The following MARCHF1 variants were observed in gnomAD, a reference collection of about 807,000 sequenced individuals.
MARCHF1 encodes E3 ubiquitin-protein ligase MARCHF1.
MARCHF1 carries 40 observed loss-of-function variants against 54.2 expected under a neutral mutation model. The observed-to-expected ratio is 0.74, with a 90% CI of 0.57 to 0.96. The LOEUF (loss-of-function observed/expected upper bound fraction) is 0.96, where lower values mean the gene tolerates loss of function less well. MARCHF1 is among the 40% of genes least tolerant of loss of function. The probability of loss-of-function intolerance (pLI) is 0.00; values close to 1 mark genes in which losing one functional copy is unlikely to be tolerated. For synonymous variants in MARCHF1, 236 were observed against 236.3 expected, an observed-to-expected ratio of 1.00 and a Z score of 0.01; for missense variants, 586 against 656.5, an observed-to-expected ratio of 0.89 and a Z score of 1.17.
Position 164,199,681 on chromosome 4 carries a change from C to CAGAG in MARCHF1, c.-322-88023_-322-88020dup, listed in dbSNP as rs70952609. Among the ~76,000 whole-genome samples, 93 of 47,646 alleles carry CAGAG rather than the reference C, an allele frequency of 2.0e-3. 1 individual carries two copies. Among genetic ancestry groups the CAGAG allele is most frequent in the East Asian group, 0.011 (19 of 1,748 alleles). 31.3% of individuals were successfully genotyped at this position (47,646 alleles called of 152,430 possible). A position where few individuals can be genotyped will look rare whatever the true frequency, so the allele number is the denominator to read the frequency against. ...ACACACACACACACACACACACACACAGAGAGAGAGAGAGAGAGAGAGAGA... is the reference window on the plus strand; with the variant it reads ...ACACACACACACACACACACACACACAGAGAGAGAGAGAGAGAGAGAGAGAGAGA... On this transcript the variant is annotated intron_variant, in intron 1 of 9. Transcript: ENST00000514618.
chr4:163,564,991 C>A (rs959219793), intron 8 of MARCHF1, among the ~76,000 whole-genome samples: 1 of 152,066 alleles, frequency 6.6e-6, no homozygotes, highest in Non-Finnish European at 1.5e-5. Context: ...GGCCTCGACT[C>A]TTAAAAAGAA....
intron 3 of MARCHF1, among the ~76,000 whole-genome samples, chr4:163,931,024 C>A (rs769910766): frequency 1.3e-5 from 2 of 151,936 alleles, no homozygotes; most frequent in South Asian, 2.1e-4. Context: ...TAAATGAGGT[C>A]AAAAAAGTGA....
chr4:163,923,781 ATAG>A (rs1751480561), intron 3 of MARCHF1, among the ~76,000 whole-genome samples: 2 of 146,964 alleles, frequency 1.4e-5, no homozygotes, highest in African/African-American at 5.0e-5. Flanking sequence ...AAAAAAAAAA[ATAG>A]AAAAAAGTAA....
At chr4:164,220,463 A>C (rs1486437468) in intron 1 of MARCHF1, among the ~76,000 whole-genome samples, 1 of 146,066 alleles carries the variant, frequency 6.8e-6, no homozygotes, top group East Asian at 2.0e-4. Flanking sequence ...ATTCCTATAT[A>C]TAGGTATGGA....
At chr4:164,256,432 T>TAAAAAAAAAAAAAAAAAAAAAAAAAA (rs11345775) in intron 1 of MARCHF1, among the ~76,000 whole-genome samples, 1 of 121,860 alleles carries the variant, frequency 8.2e-6, no homozygotes, top group African/African-American at 3.1e-5. Flanking sequence ...ACAAGAAGCT[T>TAAAAAAAAAAAAAAAAAAAAAAAAAA]AAAAAAAAAA....
chr4:163,666,707 ATT>A (rs111964280), intron 5 of MARCHF1, among the ~76,000 whole-genome samples: 2 of 144,574 alleles, frequency 1.4e-5, no homozygotes. Flanking sequence ...AAATTTTCAG[ATT>A]TTTTTTTTTT....
At chr4:164,342,433 C>T (rs1729955953) in intron 1 of MARCHF1, among the ~76,000 whole-genome samples, 1 of 151,842 alleles carries the variant, frequency 6.6e-6, no homozygotes, top group Admixed American at 6.6e-5. Flanking sequence ...TAAAACTACA[C>T]CCATTAACTC....
At chr4:163,897,216 T>A (rs1402416893) in intron 3 of MARCHF1, among the ~76,000 whole-genome samples, 1 of 152,194 alleles carries the variant, frequency 6.6e-6, no homozygotes, top group Non-Finnish European at 1.5e-5. Flanking sequence ...TTCATAACTT[T>A]TCAGCTTATT....
chr4:164,349,750 T>G (rs1237751098), intron 1 of MARCHF1, among the ~76,000 whole-genome samples: 1 of 152,086 alleles, frequency 6.6e-6, no homozygotes, highest in Non-Finnish European at 1.5e-5. Context: ...AAGAAAGAAA[T>G]AAGGAGGAAG....
intron 2 of MARCHF1, among the ~76,000 whole-genome samples, chr4:164,065,833 A>C (rs1446466400): frequency 6.6e-6 from 1 of 152,228 alleles, no homozygotes; most frequent in Non-Finnish European, 1.5e-5. Flanking sequence ...TCTGATGTCC[A>C]GGGCAGGAGA....
At chr4:163,829,677 A>T (rs1451825544) in intron 4 of MARCHF1, among the ~76,000 whole-genome samples, 1 of 152,216 alleles carries the variant, frequency 6.6e-6, no homozygotes, top group African/African-American at 2.4e-5. Flanking sequence ...CAAATATTTA[A>T]AAAAATAAAT....
intron 7 of MARCHF1, among the ~76,000 whole-genome samples, chr4:163,600,234 A>C (rs370848334): frequency 6.6e-6 from 1 of 152,240 alleles, no homozygotes; most frequent in African/African-American, 2.4e-5. Flanking sequence ...CACTACACAC[A>C]CACACATATA....
chr4:164,179,398 T>C (rs554504451), intron 1 of MARCHF1, among the ~76,000 whole-genome samples: 31 of 141,476 alleles, frequency 2.2e-4, no homozygotes, highest in Non-Finnish European at 3.9e-4. Flanking sequence ...TGACAAAGTA[T>C]GTAATACTTG....
At chr4:164,109,470 C>G (rs781143370) in intron 2 of MARCHF1, among the ~76,000 whole-genome samples, 1 of 151,936 alleles carries the variant, frequency 6.6e-6, no homozygotes. Flanking sequence ...TCTTCATATA[C>G]AGTACATGAA....
At chr4:163,946,376 A>T (rs28545420) in intron 3 of MARCHF1, among the ~76,000 whole-genome samples, 16,851 of 152,068 alleles carry the variant, frequency 0.11, 2,023 homozygotes, top group East Asian at 0.37. Context: ...TCCTTCCAAA[A>T]TAGATCCCAT....
intron 1 of MARCHF1, among the ~76,000 whole-genome samples, chr4:164,372,917 C>T (rs1047224867): frequency 1.1e-4 from 16 of 151,880 alleles, no homozygotes; most frequent in African/African-American, 3.9e-4. Flanking sequence ...GTGGTGGCCA[C>T]CTTTCTTTAG....
intron 1 of MARCHF1, among the ~76,000 whole-genome samples, chr4:164,370,729 C>G (rs140250460): frequency 0.02 from 3,096 of 152,104 alleles, 48 homozygotes; most frequent in South Asian, 0.06. Flanking sequence ...ACCAACACGG[C>G]GAAACTCGAT....
intron 2 of MARCHF1, among the ~76,000 whole-genome samples, chr4:164,005,574 T>A (rs906384606): frequency 5.9e-5 from 9 of 152,062 alleles, no homozygotes; most frequent in African/African-American, 1.9e-4. Flanking sequence ...ATTGAGGTGG[T>A]CAACCAGCTT....
chr4:164,166,458 T>G (rs1730384100), intron 1 of MARCHF1, among the ~76,000 whole-genome samples: 1 of 152,012 alleles, frequency 6.6e-6, no homozygotes, highest in African/African-American at 2.4e-5. Flanking sequence ...CCTTTCTTGA[T>G]AAAAACTCTT....
Sources: allele counts gnomAD v4.1 joint callset (sites outside exome capture counted in the v4.1 genomes callset), GRCh38; gene constraint gnomAD v4.1.1; transcripts MANE v1.5; gene names NCBI Gene and HGNC (gene_info 2026-07-23, HGNC 2026-07-21).